DLG2: variants seen among roughly 807,000 people sequenced by gnomAD.
DLG2 encodes discs large MAGUK scaffold protein 2, also known as disks large homolog 2.
In DLG2, 45 loss-of-function variants were observed where a neutral mutation model predicts 132.5. That is an observed-to-expected ratio of 0.34 (90% CI 0.27 to 0.44). The LOEUF is 0.44. Ranked by LOEUF, DLG2 falls within the 20% of genes least tolerant of loss-of-function variation. The pLI is 1.00. For missense variants in DLG2, 1,045 were observed against 1,196.9 expected (o/e 0.87, Z 1.87); for synonymous variants, 424 against 419.6 (o/e 1.01, Z -0.13).
intron 6 of DLG2, among the ~76,000 whole-genome samples, chr11:84,909,003 C>G (rs1462216659): frequency 6.6e-6 from 1 of 151,778 alleles, no homozygotes; most frequent in Non-Finnish European, 1.5e-5. Context: ...GGCTATAAGA[C>G]TTAAGTGGCA....
chr11:83,858,360 C>A (rs2060892637), intron 16 of DLG2, among the ~76,000 whole-genome samples: 1 of 152,098 alleles, frequency 6.6e-6, no homozygotes, highest in Admixed American at 6.5e-5. Context: ...TCCAGTTTCC[C>A]CATAATGATC....
chr11:84,879,955 C>T (rs1357739813), intron 6 of DLG2, among the ~76,000 whole-genome samples: 1 of 152,064 alleles, frequency 6.6e-6, no homozygotes, highest in Non-Finnish European at 1.5e-5. Flanking sequence ...AATTCCAAAT[C>T]AGTGACAGCC....
chr11:84,543,906 A>G (rs2099384333), intron 6 of DLG2, among the ~76,000 whole-genome samples: 1 of 152,168 alleles, frequency 6.6e-6, no homozygotes, highest in Non-Finnish European at 1.5e-5. Context: ...TAAATTACAA[A>G]TCAGCTGTCT....
intron 7 of DLG2, among the ~76,000 whole-genome samples, chr11:84,501,361 T>C (rs1448897276): frequency 1.3e-5 from 2 of 152,172 alleles, no homozygotes; most frequent in South Asian, 4.1e-4. Context: ...GGTCAGTAGT[T>C]CGAGACCAGC....
chr11:84,947,755 AT>A (rs2154100759), intron 6 of DLG2, among the ~76,000 whole-genome samples: 1 of 152,334 alleles, frequency 6.6e-6, no homozygotes, highest in East Asian at 1.9e-4. Flanking sequence ...GATAAGCATT[AT>A]TCTCAATTTA....
intron 6 of DLG2, among the ~76,000 whole-genome samples, chr11:85,000,224 T>A (rs574844233): frequency 6.6e-6 from 1 of 152,180 alleles, no homozygotes; most frequent in East Asian, 1.9e-4. Flanking sequence ...TTGTACAGTA[T>A]TTTTTTCCAA....
At chr11:84,040,533 A>G (rs910303260) in intron 11 of DLG2, among the ~76,000 whole-genome samples, 2 of 151,900 alleles carry the variant, frequency 1.3e-5, no homozygotes, top group Admixed American at 6.6e-5. Context: ...ATAGTTGTAG[A>G]TATGCGGCAT....
intron 3 of DLG2, among the ~76,000 whole-genome samples, chr11:85,436,657 A>G (rs1323864914): frequency 2.6e-5 from 4 of 152,188 alleles, no homozygotes; most frequent in Admixed American, 6.6e-5. Flanking sequence ...GAAACAACGG[A>G]TAATGGTGAG....
intron 6 of DLG2, among the ~76,000 whole-genome samples, chr11:84,537,986 G>C (rs1166309678): frequency 6.6e-6 from 1 of 152,188 alleles, no homozygotes. Context: ...AGGCTATTAA[G>C]TACTACATAT....
intron 18 of DLG2, among the ~76,000 whole-genome samples, chr11:83,696,474 A>G (rs2153632744): frequency 6.6e-6 from 1 of 152,282 alleles, no homozygotes; most frequent in South Asian, 2.1e-4. Flanking sequence ...TCAGTCAGTA[A>G]AGGCACTCAT....
chr11:85,211,012 C>G (rs1330039667), intron 4 of DLG2, among the ~76,000 whole-genome samples: 4 of 151,924 alleles, frequency 2.6e-5, no homozygotes, highest in Non-Finnish European at 5.9e-5. Flanking sequence ...CTTGGAGTAC[C>G]TGAAATAATA....
intron 6 of DLG2, among the ~76,000 whole-genome samples, chr11:84,925,611 C>T (rs551093853): frequency 1.2e-4 from 18 of 152,232 alleles, no homozygotes; most frequent in Non-Finnish European, 2.4e-4. Flanking sequence ...TTCATCAGAA[C>T]AGTATATCTG....
intron 6 of DLG2, among the ~76,000 whole-genome samples, chr11:85,052,334 A>T (rs1443174113): frequency 1.3e-5 from 2 of 152,186 alleles, no homozygotes; most frequent in African/African-American, 4.8e-5. Flanking sequence ...CTACTCACGA[A>T]GTGGTTGTCT....
At chr11:84,107,637 G>A in intron 9 of DLG2, among the ~76,000 whole-genome samples, 1 of 152,062 alleles carries the variant, frequency 6.6e-6, no homozygotes, top group African/African-American at 2.4e-5. Flanking sequence ...TGGGTAGGGG[G>A]AGGAATACTT....
intron 6 of DLG2, among the ~76,000 whole-genome samples, chr11:84,983,994 G>T (rs957723433): frequency 6.6e-6 from 1 of 152,116 alleles, no homozygotes; most frequent in Non-Finnish European, 1.5e-5. Flanking sequence ...CTAGGATTAT[G>T]TTAAGTCTAG....
chr11:84,367,689 G>T (rs2098689780), intron 7 of DLG2, among the ~76,000 whole-genome samples: 1 of 152,074 alleles, frequency 6.6e-6, no homozygotes, highest in South Asian at 2.1e-4. Context: ...GGCTCTCAGT[G>T]TACCCCTCTT....
At chr11:84,152,345 T>TC (rs1315966355) in intron 9 of DLG2, among the ~76,000 whole-genome samples, 5 of 148,500 alleles carry the variant, frequency 3.4e-5, no homozygotes, top group Admixed American at 6.7e-5. Flanking sequence ...TGTTTGTTTG[T>TC]TTTTTCTGAA....
chr11:84,586,124 C>T (rs1480470004), intron 6 of DLG2, among the ~76,000 whole-genome samples: 10 of 131,216 alleles, frequency 7.6e-5, no homozygotes, highest in African/African-American at 2.6e-4. Flanking sequence ...GCACTGCAGC[C>T]GGGGTGACAG....
chr11:84,327,112 CTTTTTTTT>C (rs11290540), intron 7 of DLG2, among the ~76,000 whole-genome samples: 1 of 119,036 alleles, frequency 8.4e-6, no homozygotes, highest in African/African-American at 3.2e-5. Context: ...TAATGAGAAT[CTTTTTTTT>C]TTTTTTTTTT....
Sources: gnomAD v4.1 joint callset for allele counts (sites outside exome capture counted in the v4.1 genomes callset) on GRCh38, gnomAD v4.1.1 for gene constraint, MANE v1.5 for transcripts, NCBI Gene and HGNC (gene_info 2026-07-23, HGNC 2026-07-21) for gene names.